Variants in MAP4K5 observed in about 807,000 individuals in gnomAD.
MAP4K5 encodes the protein mitogen-activated protein kinase kinase kinase kinase 5.
In MAP4K5, 82 loss-of-function variants were observed where a neutral mutation model predicts 135.6. The ratio of observed to expected loss-of-function variants is 0.60; its 90% CI spans 0.51 to 0.73. The LOEUF is 0.73. Among genes scored for constraint, MAP4K5 ranks in the 30% least tolerant of loss-of-function variants. The pLI is 0.00. For missense variants in MAP4K5, 907 were observed against 1,010.9 expected, an observed-to-expected ratio of 0.90 and a Z score of 1.39; for synonymous variants, 347 against 335.0, an observed-to-expected ratio of 1.04 and a Z score of -0.39.
At chr14:50,511,013 A>G (rs2037920352) in intron 2 of MAP4K5, among the ~76,000 whole-genome samples, 1 of 152,210 alleles carries the variant, frequency 6.6e-6, no homozygotes, top group African/African-American at 2.4e-5. Context: ...AAGTGTTTAA[A>G]GCAGTCTTTA....
chr14:50,525,027 C>T (rs2038232867), intron 2 of MAP4K5, among the ~76,000 whole-genome samples: 1 of 152,132 alleles, frequency 6.6e-6, no homozygotes, highest in Non-Finnish European at 1.5e-5. Flanking sequence ...TTATTTTTCT[C>T]TGCCACCCCT....
chr14:50,532,218 C>G (rs2038410754), intron 1 of MAP4K5, 60 bp from the exon 2 acceptor site: 1 of 564,088 alleles, frequency 1.8e-6, no homozygotes, highest in Non-Finnish European at 3.1e-6. Context: ...CAGCGGCCCG[C>G]GCCCTCGCGG....
At chr14:50,477,727 T>C (rs1595489302) in intron 6 of MAP4K5, among the ~76,000 whole-genome samples, 1 of 152,230 alleles carries the variant, frequency 6.6e-6, no homozygotes. Context: ...TGTATTTAGA[T>C]GATAATGTGG....
chr14:50,513,587 TAA>T (rs3050007), intron 2 of MAP4K5, among the ~76,000 whole-genome samples: 147,602 of 149,238 alleles, frequency 0.99, 72,998 homozygotes, highest in South Asian at 1. Context: ...AAACTGGGGC[TAA>T]AAAAAAAAAA....
intron 31 of MAP4K5, among the ~76,000 whole-genome samples, chr14:50,425,634 A>G (rs1161000509): frequency 1.3e-5 from 2 of 152,242 alleles, no homozygotes; most frequent in Non-Finnish European, 2.9e-5. Context: ...AAGTTTTACA[A>G]GCTTAGCAAC....
intron 14 of MAP4K5, among the ~76,000 whole-genome samples, chr14:50,452,090 A>G (rs886212003): frequency 2.0e-5 from 3 of 152,192 alleles, no homozygotes; most frequent in East Asian, 3.8e-4. Context: ...CTACCCTAAC[A>G]TTAAGTATTC....
At chr14:50,464,709 C>T (rs2036792370) in intron 11 of MAP4K5, among the ~76,000 whole-genome samples, 1 of 152,162 alleles carries the variant, frequency 6.6e-6, no homozygotes, top group African/African-American at 2.4e-5. Flanking sequence ...GGTATTTCTA[C>T]CATTGCCAAG....
At chr14:50,548,628 G>A (rs2140156432) in intron 1 of MAP4K5, among the ~76,000 whole-genome samples, 1 of 152,190 alleles carries the variant, frequency 6.6e-6, no homozygotes, top group Admixed American at 6.5e-5. Context: ...TCCTGCCTCA[G>A]CCTCCCCAGC....
intron 2 of MAP4K5, 89 bp downstream of exon 2, chr14:50,531,853 C>A: frequency 1.0e-6 from 1 of 969,420 alleles, no homozygotes; most frequent in Non-Finnish European, 1.6e-6. Context: ...TAAAAGCATC[C>A]TCCTCTCGCC....
rs2139595191 is a variant in MAP4K5, at chr14:50,419,666, G to A, written c.*353C>T. 1 of 186,214 alleles carries A rather than the reference G, an allele frequency of 5.4e-6. No individual in the cohort carries two copies. Among genetic ancestry groups the A allele is most frequent in the Non-Finnish European group, 1.1e-5 (1 of 88,216 alleles). 11.5% of individuals were successfully genotyped at this position (186,214 alleles called of 1,614,324 possible). A position where few individuals can be genotyped will look rare whatever the true frequency, so the allele number is the denominator to read the frequency against. On this transcript the variant is annotated 3_prime_UTR_variant, in exon 33 of 33. Transcript: ENST00000682126. ...GAAGGAATAAGACATGATATAAAAT[G>A]ATCACTAAATTTACCTCTCTTAAGA...
rs2139619583 is a variant in MAP4K5 at position 50,424,462 on chromosome 14, C to T, written c.2398-1286G>A. On this transcript the variant is annotated intron_variant, in intron 31 of 32. Coordinates refer to ENST00000682126, the MANE Select transcript of MAP4K5 (RefSeq NM_006575.6). ...GTGGGGCTCACATCTGTAATCCCGG[C>T]ACTTTGGGAGGCCAAGGCAGGTGGA... Among the ~76,000 whole-genome samples, 3 of 152,184 alleles carry T rather than the reference C, an allele frequency of 2.0e-5. 1 individual carries two copies. In the Middle Eastern group the frequency reaches 0.01, roughly 518 times the overall value.
chr14:50,486,872 C>T (rs978705689), intron 3 of MAP4K5, among the ~76,000 whole-genome samples: 1 of 152,096 alleles, frequency 6.6e-6, no homozygotes, highest in Admixed American at 6.6e-5. Context: ...GAGCCTCCCT[C>T]TCCCAACTAA....
intron 14 of MAP4K5, among the ~76,000 whole-genome samples, chr14:50,450,764 C>G (rs542481145): frequency 6.6e-6 from 1 of 152,252 alleles, no homozygotes; most frequent in South Asian, 2.1e-4. Context: ...TTGCTGAATA[C>G]TCTACTAAAA....
intron 2 of MAP4K5, among the ~76,000 whole-genome samples, chr14:50,507,877 A>G (rs1302906483): frequency 6.6e-6 from 1 of 152,058 alleles, no homozygotes; most frequent in Non-Finnish European, 1.5e-5. Context: ...CTTGGTGCAG[A>G]GCTGAGTTCA....
intron 13 of MAP4K5, among the ~76,000 whole-genome samples, chr14:50,457,732 G>A (rs73286558): frequency 0.028 from 4,282 of 152,038 alleles, 185 homozygotes; most frequent in African/African-American, 0.097. Flanking sequence ...CTGATCTTTT[G>A]AGCTTACTCT....
At chr14:50,543,280 T>C (rs973207470) in intron 1 of MAP4K5, among the ~76,000 whole-genome samples, 127 of 152,380 alleles carry the variant, frequency 8.3e-4, no homozygotes, top group African/African-American at 2.8e-3. Context: ...ATTGCAGAGA[T>C]CCCAGTATGA....
intron 2 of MAP4K5, among the ~76,000 whole-genome samples, chr14:50,521,098 G>T (rs1372932878): frequency 1.3e-5 from 2 of 152,162 alleles, no homozygotes; most frequent in African/African-American, 2.4e-5. Flanking sequence ...TGGGATTATA[G>T]GTGTGAGCCA....
intron 21 of MAP4K5, among the ~76,000 whole-genome samples, chr14:50,440,907 G>A (rs2036211359): frequency 6.6e-6 from 1 of 152,012 alleles, no homozygotes; most frequent in Non-Finnish European, 1.5e-5. Context: ...CCAATTCTGG[G>A]GCAATAAAAG....
chr14:50,490,417 G>C (rs989396904), intron 3 of MAP4K5, among the ~76,000 whole-genome samples: 3 of 152,002 alleles, frequency 2.0e-5, no homozygotes, highest in African/African-American at 7.3e-5. Flanking sequence ...TAACATTGGG[G>C]GTTTGTGTTT....
Sources: allele counts gnomAD v4.1 joint callset (sites outside exome capture counted in the v4.1 genomes callset), GRCh38; gene constraint gnomAD v4.1.1; transcripts MANE v1.5; gene names NCBI Gene and HGNC (gene_info 2026-07-23, HGNC 2026-07-21).